The following SEC24A variants were observed in gnomAD, a reference collection of about 807,000 sequenced individuals.
The protein encoded by SEC24A is SEC24 homolog A, COPII component.
SEC24A carries 93 observed loss-of-function variants against 129.4 expected under a neutral mutation model. The ratio of observed to expected loss-of-function variants is 0.72; its 90% CI spans 0.61 to 0.85. SEC24A has a LOEUF of 0.85. Among genes scored for constraint, SEC24A ranks in the 40% least tolerant of loss-of-function variants. The pLI is 0.00. For missense variants in SEC24A, 1,264 were observed against 1,307.4 expected (o/e 0.97, Z 0.51); for synonymous variants, 460 against 467.3 (o/e 0.98, Z 0.20).
chr5:134,708,684 T>C, intron 17 of SEC24A, 29 bp from the exon 18 acceptor site: 2 of 1,583,978 alleles, frequency 1.3e-6, no homozygotes, highest in Non-Finnish European at 1.7e-6. Context: ...ATCATATTTC[T>C]TTTTTGTCCT....
At chr5:134,723,326 A>C (rs1029008870) in intron 21 of SEC24A, among the ~76,000 whole-genome samples, 22 of 152,088 alleles carry the variant, frequency 1.4e-4, no homozygotes, top group Non-Finnish European at 1.6e-4. Flanking sequence ...TTAGCCAGGC[A>C]TGGTGGCACG....
At chr5:134,662,203 G>A (rs1310906137) in intron 2 of SEC24A, among the ~76,000 whole-genome samples, 1 of 151,790 alleles carries the variant, frequency 6.6e-6, no homozygotes, top group African/African-American at 2.4e-5. Flanking sequence ...CGCCCAGGCT[G>A]GAGTGCAGTG....
chr5:134,722,108 G>T (rs532536654), intron 21 of SEC24A, among the ~76,000 whole-genome samples: 2 of 152,182 alleles, frequency 1.3e-5, no homozygotes, highest in Non-Finnish European at 2.9e-5. Flanking sequence ...TGCCCAAGGG[G>T]TACCTGCTAC....
At chr5:134,693,136 G>A (rs1406577751) in intron 12 of SEC24A, 2 of 1,534,642 alleles carry the variant, frequency 1.3e-6, no homozygotes, top group South Asian at 1.2e-5. Context: ...GGGGGATGTT[G>A]TCTACCCTGT....
chr5:134,712,530 A>G (rs1386717095), intron 18 of SEC24A, among the ~76,000 whole-genome samples: 2 of 152,122 alleles, frequency 1.3e-5, no homozygotes, highest in African/African-American at 4.8e-5. Context: ...GATTACAGAC[A>G]TGAGCCACCG....
At chr5:134,653,321 C>T (rs1044266507) in intron 1 of SEC24A, among the ~76,000 whole-genome samples, 7 of 152,190 alleles carry the variant, frequency 4.6e-5, no homozygotes, top group African/African-American at 1.4e-4. Context: ...TTGATCATGG[C>T]TCACTGCAGC....
At chr5:134,658,791 C>T (rs1165504528) in intron 1 of SEC24A, among the ~76,000 whole-genome samples, 1 of 151,976 alleles carries the variant, frequency 6.6e-6, no homozygotes, top group East Asian at 1.9e-4. Context: ...GATAAATGGG[C>T]TTTTAGAATA....
chr5:134,709,079 A>G (rs1752246604), intron 18 of SEC24A, among the ~76,000 whole-genome samples, 191 bp downstream of exon 18: 1 of 151,966 alleles, frequency 6.6e-6, no homozygotes, highest in Non-Finnish European at 1.5e-5. Flanking sequence ...GTGGTGGTGC[A>G]CACCTGTAGT....
chr5:134,700,997 C>T lies in SEC24A; in HGVS notation c.2267-2762C>T, dbSNP rs1425973208. Among the ~76,000 whole-genome samples, 12 of 152,084 alleles carry T rather than the reference C, an allele frequency of 7.9e-5. No individual in the cohort carries two copies. In the East Asian group the frequency reaches 1.9e-3, roughly 25 times the overall value. On this transcript the variant is annotated intron_variant, in intron 15 of 22. Transcript: ENST00000398844. ...CCTCCCAAAGTGCTGGGATTACAGGCGTGAGCCACCGCGCCTGGACTGTAT... is the reference window on the plus strand; with the variant it reads ...CCTCCCAAAGTGCTGGGATTACAGGTGTGAGCCACCGCGCCTGGACTGTAT...
rs1752075238 is a variant in SEC24A, at chr5:134,703,850, A to G, written c.2358A>G (p.Ala786=). Residue 786 remains alanine, a synonymous_variant, in exon 16 of 23, where the codon GCA becomes GCG. Coordinates refer to ENST00000398844, the MANE Select transcript of SEC24A (RefSeq NM_021982.3). ...ACGTCAACCCAGACGCTGGGTATGCAGTACAGATGTCAGTGGAAGAGAGTC... is the reference window on the plus strand; with the variant it reads ...ACGTCAACCCAGACGCTGGGTATGCGGTACAGATGTCAGTGGAAGAGAGTC... ...LPNVNPDAGY[A]VQMSVEESLT... 3 of 1,612,844 alleles carry G rather than the reference A, an allele frequency of 1.9e-6. No homozygotes were observed. The highest frequency in any genetic ancestry group is 1.7e-5 in the Admixed American group (1 of 59,992).
Position 134,661,604 on chromosome 5 carries a change from G to A in SEC24A, c.565+18G>A. The A allele has an allele frequency of 6.4e-7, 1 of 1,562,432 alleles. No homozygotes were observed. The highest frequency in any genetic ancestry group is 8.8e-7 in the Non-Finnish European group (1 of 1,135,920). On this transcript the variant is annotated intron_variant, in intron 2 of 22. Transcript: ENST00000398844. ...AAAGTCAGGTAGTATTCTTATAGAA[G>A]TGCTTAAAATGTAGAAATGTGAAAC...
intron 1 of SEC24A, among the ~76,000 whole-genome samples, chr5:134,652,750 C>G (rs1034132762): frequency 2.0e-5 from 3 of 152,002 alleles, no homozygotes; most frequent in African/African-American, 7.2e-5. Context: ...GCACATGCCA[C>G]CATGCCTGGC....
intron 11 of SEC24A, among the ~76,000 whole-genome samples, chr5:134,689,901 A>G (rs1751581190): frequency 6.6e-6 from 1 of 151,152 alleles, no homozygotes. Flanking sequence ...ACCGACAAAT[A>G]TTGTATGGTT....
chr5:134,703,061 G>A (rs1049708486), intron 15 of SEC24A, among the ~76,000 whole-genome samples: 2 of 151,904 alleles, frequency 1.3e-5, no homozygotes, highest in African/African-American at 4.8e-5. Flanking sequence ...CATTGTGCCT[G>A]GCCTAGTTTT....
intron 2 of SEC24A, among the ~76,000 whole-genome samples, chr5:134,664,425 A>C (rs1202364629): frequency 1.3e-5 from 2 of 152,158 alleles, no homozygotes; most frequent in African/African-American, 2.4e-5. Context: ...AACTCTAGCT[A>C]TCAGTGTCGT....
chr5:134,690,463 G>A (rs879011017), intron 11 of SEC24A, among the ~76,000 whole-genome samples: 3 of 152,090 alleles, frequency 2.0e-5, no homozygotes, highest in African/African-American at 7.2e-5. Flanking sequence ...ACAGGCACAC[G>A]CTACCACGCC....
intron 13 of SEC24A, 116 bp from the exon 14 acceptor site, chr5:134,697,010 A>G (rs1266461241): frequency 3.5e-6 from 2 of 565,460 alleles, no homozygotes; most frequent in Non-Finnish European, 5.9e-6. Context: ...ACTTTGTAGA[A>G]TGCCCAGAAA....
At chr5:134,723,886 A>G (rs1752689842) in intron 22 of SEC24A, among the ~76,000 whole-genome samples, 1 of 152,252 alleles carries the variant, frequency 6.6e-6, no homozygotes, top group Admixed American at 6.5e-5. Context: ...ACACTAATTT[A>G]TTGATACATG....
At chr5:134,659,872 C>T (rs773418336) in intron 1 of SEC24A, among the ~76,000 whole-genome samples, 3 of 151,974 alleles carry the variant, frequency 2.0e-5, no homozygotes, top group Non-Finnish European at 4.4e-5. Context: ...AGGCTGGTCT[C>T]GAACTCCTGA....
Sources: allele counts gnomAD v4.1 joint callset (sites outside exome capture counted in the v4.1 genomes callset), GRCh38; gene constraint gnomAD v4.1.1; transcripts MANE v1.5; gene names NCBI Gene and HGNC (gene_info 2026-07-23, HGNC 2026-07-21).